The following CPEB1 variants were observed in gnomAD, a reference collection of about 807,000 sequenced individuals.
The protein encoded by CPEB1 is cytoplasmic polyadenylation element binding protein 1, also known as cytoplasmic polyadenylation element-binding protein 1.
Under a neutral mutation model 65.8 loss-of-function variants are expected in CPEB1, and 7 were observed. The observed-to-expected ratio is 0.11, with a 90% confidence interval of 0.06 to 0.20. The LOEUF is 0.20. Among genes scored for constraint, CPEB1 ranks in the 10% least tolerant of loss-of-function variants. CPEB1 has a pLI of 1.00. For missense variants in CPEB1, 551 were observed against 712.2 expected, an observed-to-expected ratio of 0.77 and a Z score of 2.58; for synonymous variants, 262 against 260.0, an observed-to-expected ratio of 1.01 and a Z score of -0.08.
Position 82,612,944 on chromosome 15 carries a change from C to T in CPEB1, c.271+14249G>A, listed in dbSNP as rs1396142930. ...AACAAAAACAAACAAAAACACACTC[C>T]AGGCCCAAGTGGCTTCAGCAATGAA... On this transcript the variant is annotated intron_variant, in intron 3 of 12. Coordinates refer to ENST00000684509, the MANE Select transcript of CPEB1 (RefSeq NM_001365242.1). Among the ~76,000 whole-genome samples the T allele has an allele frequency of 3.9e-5, 6 of 152,020 alleles. No homozygotes were observed. The East Asian group carries it at 9.6e-4, about 24-fold the overall frequency.
chr15:82,623,505 C>T (rs955375244), intron 3 of CPEB1, among the ~76,000 whole-genome samples: 7 of 152,104 alleles, frequency 4.6e-5, no homozygotes, highest in African/African-American at 1.2e-4. Flanking sequence ...TGGTGAAACC[C>T]CCATCTCTAC....
intron 3 of CPEB1, among the ~76,000 whole-genome samples, chr15:82,575,198 CCA>C (rs2040518703): frequency 6.6e-6 from 1 of 152,128 alleles, no homozygotes; most frequent in Non-Finnish European, 1.5e-5. Context: ...CTGTGTAATC[CCA>C]ATATACCAGA....
chr15:82,590,135 C>T lies in CPEB1; in HGVS notation c.272-18603G>A, dbSNP rs1415380804. Among the ~76,000 whole-genome samples, 3 of 141,206 alleles carry T rather than the reference C, an allele frequency of 2.1e-5. No homozygotes were observed. The East Asian group carries it at 6.4e-4, about 30-fold the overall frequency. 92.6% of individuals were successfully genotyped at this position (141,206 alleles called of 152,430 possible). ...CTTTTCACATCTGTATTCACAACAT[C>T]TAGAAGAGTTTATTAGTGTTGACTA... On this transcript the variant is annotated intron_variant, in intron 3 of 12. Coordinates refer to ENST00000684509, the MANE Select transcript of CPEB1 (RefSeq NM_001365242.1).
intron 3 of CPEB1, among the ~76,000 whole-genome samples, chr15:82,577,284 C>T (rs1413328952): frequency 6.6e-6 from 1 of 152,110 alleles, no homozygotes; most frequent in African/African-American, 2.4e-5. Context: ...GTCTCGAACT[C>T]CTGGGCTCAA....
chr15:82,634,989 G>A (rs1366852896), intron 1 of CPEB1, among the ~76,000 whole-genome samples: 4 of 152,160 alleles, frequency 2.6e-5, no homozygotes, highest in African/African-American at 9.7e-5. Flanking sequence ...GAGTAGCTGG[G>A]ACTACAGGCA....
At chr15:82,612,998 T>C (rs1342770772) in intron 3 of CPEB1, among the ~76,000 whole-genome samples, 1 of 151,668 alleles carries the variant, frequency 6.6e-6, no homozygotes, top group East Asian at 1.9e-4. Context: ...AAGACTATTA[T>C]AAATTTCACA....
chr15:82,544,744 A>T, intron 12 of CPEB1, 42 bp from the exon 13 acceptor site: 6 of 1,429,602 alleles, frequency 4.2e-6, no homozygotes, highest in Non-Finnish European at 5.9e-6. Flanking sequence ...TGCCTGTGTC[A>T]GCACCAGACA....
Position 82,544,733 on chromosome 15 carries a change from A to T in CPEB1, c.1657-31T>A. The T allele has an allele frequency of 7.8e-6, 12 of 1,538,258 alleles. No individual in the cohort carries two copies. In the East Asian group the frequency reaches 1.6e-4, roughly 20 times the overall value. ...TTGGGGGAACAAAAAGGAGGATGCC[A>T]TGCCTGTGTCAGCACCAGACACAGG... On this transcript the variant is annotated intron_variant, in intron 12 of 12. Transcript: ENST00000684509.
In CPEB1 at chr15:82,637,855, A is replaced by C. The variant is rs910647998; in HGVS notation, c.-98+9282T>G. ...TTTTAAGTACTTTTAATTACTCAAGAGCTTTTTGTGTAAGTAGGTCATATG... is the reference window on the plus strand; with the variant it reads ...TTTTAAGTACTTTTAATTACTCAAGCGCTTTTTGTGTAAGTAGGTCATATG... On this transcript the variant is annotated intron_variant, in intron 1 of 12. Coordinates refer to ENST00000684509, the MANE Select transcript of CPEB1 (RefSeq NM_001365242.1). 4.1e-5 allele frequency: 14 copies of C among 345,158 alleles called. No individual in the cohort carries two copies. The East Asian group carries it at 1.0e-3, about 26-fold the overall frequency. 21.4% of individuals were successfully genotyped at this position (345,158 alleles called of 1,614,324 possible).
chr15:82,601,916 TA>T (rs549016965), intron 3 of CPEB1, among the ~76,000 whole-genome samples: 1 of 152,204 alleles, frequency 6.6e-6, no homozygotes, highest in Non-Finnish European at 1.5e-5. Context: ...CTAGAGATTT[TA>T]ACACATTTCT....
At chr15:82,552,718 T>G in intron 8 of CPEB1, 102 bp from the exon 9 acceptor site, 1 of 1,282,538 alleles carries the variant, frequency 7.8e-7, no homozygotes, top group South Asian at 1.3e-5. Flanking sequence ...GAAGGTCTTG[T>G]GTATAAGATA....
chr15:82,626,941 T>TAA (rs2045829794), intron 3 of CPEB1, among the ~76,000 whole-genome samples: 1 of 152,250 alleles, frequency 6.6e-6, no homozygotes, highest in African/African-American at 2.4e-5. Context: ...TATAAATACT[T>TAA]GTGTAATCTG....
intron 4 of CPEB1, among the ~76,000 whole-genome samples, chr15:82,561,949 C>G (rs1468843311): frequency 6.6e-6 from 1 of 152,192 alleles, no homozygotes; most frequent in Non-Finnish European, 1.5e-5. Context: ...AAGCTTCTAA[C>G]AACTTACTGA....
intron 3 of CPEB1, chr15:82,571,767 G>A (rs1191103290): frequency 1.5e-6 from 2 of 1,312,480 alleles, no homozygotes; most frequent in Admixed American, 3.5e-5. Flanking sequence ...ATTACAGACT[G>A]GGCCAGCATG....
intron 4 of CPEB1, among the ~76,000 whole-genome samples, chr15:82,559,746 G>T (rs186668643): frequency 3.9e-5 from 6 of 152,296 alleles, no homozygotes; most frequent in Admixed American, 3.3e-4. Flanking sequence ...GTCTCAAAAT[G>T]CTTGGATTGA....
chr15:82,593,293 T>C (rs1267704810), intron 3 of CPEB1, among the ~76,000 whole-genome samples: 1 of 152,246 alleles, frequency 6.6e-6, no homozygotes, highest in African/African-American at 2.4e-5. Flanking sequence ...CTCTGCTTTA[T>C]CAACTAACTT....
chr15:82,621,703 C>A (rs1397736755), intron 3 of CPEB1, among the ~76,000 whole-genome samples: 2 of 151,872 alleles, frequency 1.3e-5, no homozygotes, highest in South Asian at 2.1e-4. Context: ...CTATTTAGGT[C>A]TGAGAGCTGG....
At chr15:82,620,038 T>C (rs1218997026) in intron 3 of CPEB1, among the ~76,000 whole-genome samples, 2 of 152,160 alleles carry the variant, frequency 1.3e-5, no homozygotes, top group African/African-American at 2.4e-5. Context: ...GGTACATTCA[T>C]ACAATGGAAT....
intron 3 of CPEB1, among the ~76,000 whole-genome samples, chr15:82,581,364 C>G (rs1308692981): frequency 6.6e-6 from 1 of 152,178 alleles, no homozygotes; most frequent in Non-Finnish European, 1.5e-5. Context: ...TGGGTTGTTT[C>G]CTGTTTCTAC....
Sources: gnomAD v4.1 joint callset for allele counts (sites outside exome capture counted in the v4.1 genomes callset) on GRCh38, gnomAD v4.1.1 for gene constraint, MANE v1.5 for transcripts, NCBI Gene and HGNC (gene_info 2026-07-23, HGNC 2026-07-21) for gene names.